DOCK1: variants seen among roughly 807,000 people sequenced by gnomAD.
The protein encoded by DOCK1 is dedicator of cytokinesis 1.
In DOCK1, 138 loss-of-function variants were observed where a neutral mutation model predicts 262.7. That is an observed-to-expected ratio of 0.53 (90% CI 0.46 to 0.61). The LOEUF (loss-of-function observed/expected upper bound fraction) is 0.61, where lower values mean the gene tolerates loss of function less well. Among genes scored for constraint, DOCK1 ranks in the 20% least tolerant of loss-of-function variants. The pLI is 0.00. For missense variants in DOCK1, 1,908 were observed against 2,370.7 expected, an observed-to-expected ratio of 0.80 and a Z score of 4.05; for synonymous variants, 866 against 867.4, an observed-to-expected ratio of 1.00 and a Z score of 0.03.
At chr10:127,247,140 C>T (rs903286054) in intron 27 of DOCK1, among the ~76,000 whole-genome samples, 1 of 152,220 alleles carries the variant, frequency 6.6e-6, no homozygotes, top group African/African-American at 2.4e-5. Flanking sequence ...CAAACGTGTG[C>T]ACACCCACGT....
chr10:126,924,031 T>C (rs1040259762), intron 1 of DOCK1, among the ~76,000 whole-genome samples: 2 of 152,178 alleles, frequency 1.3e-5, no homozygotes, highest in African/African-American at 4.8e-5. Flanking sequence ...TATTTTGATA[T>C]GGCAGCCCGA....
At chr10:127,261,128 C>T (rs1204844426) in intron 29 of DOCK1, among the ~76,000 whole-genome samples, 4 of 72,458 alleles carry the variant, frequency 5.5e-5, no homozygotes, top group East Asian at 4.0e-4. Context: ...TGTGTGTGTG[C>T]CTGCATGTGT....
At chr10:127,366,405 G>C (rs916735326) in intron 33 of DOCK1, among the ~76,000 whole-genome samples, 1 of 151,912 alleles carries the variant, frequency 6.6e-6, no homozygotes, top group Non-Finnish European at 1.5e-5. Flanking sequence ...TGGGTTTTCC[G>C]GCTGCGGGTC....
At chr10:127,221,097 A>G (rs2058419976) in intron 27 of DOCK1, among the ~76,000 whole-genome samples, 1 of 152,216 alleles carries the variant, frequency 6.6e-6, no homozygotes, top group African/African-American at 2.4e-5. Flanking sequence ...AAAAAGTGTA[A>G]CTGGAAGCTA....
chr10:127,153,261 G>A (rs1892136), intron 27 of DOCK1, among the ~76,000 whole-genome samples: 152,326 of 152,362 alleles, frequency 1, 76,145 homozygotes, highest in Non-Finnish European at 1. Context: ...TACTGATGCA[G>A]GCCAAACACA....
chr10:126,981,958 T>G lies in DOCK1; in HGVS notation c.212T>G (p.Ile71Arg). 1.9e-6 allele frequency: 3 copies of G among 1,613,548 alleles called. No individual in the cohort carries two copies. Among genetic ancestry groups the G allele is most frequent in the Non-Finnish European group, 2.5e-6 (3 of 1,179,768 alleles). ...PASYIHLKEA[I>R]VEGKGQHETV... ...TCATATATTCATCTTAAAGAAGCGA[T>G]AGTTGAAGGAAAAGGGTGAGTCTGG... The change falls in exon 4 of 52, where the codon ATA becomes AGA. Residue 71 changes from isoleucine to arginine, a missense_variant. Ile to Arg is a moderately conservative substitution (Grantham distance 97). Around this residue, in one of 9 missense-constraint regions of DOCK1, gnomAD observed 227 missense variants for 254.1 expected, o/e 0.89. Coordinates refer to ENST00000623213, the MANE Select transcript of DOCK1 (RefSeq NM_001290223.2).
chr10:127,408,550 G>A (rs1424111674), intron 40 of DOCK1, among the ~76,000 whole-genome samples: 14 of 152,204 alleles, frequency 9.2e-5, no homozygotes, highest in Admixed American at 9.2e-4. Context: ...TGCAGGTGCT[G>A]GGGCCCCACC....
rs147295824 is a variant in DOCK1 at position 127,017,035 on chromosome 10, C to CCACACACA, written c.1202-1658_1202-1651dup. 6.5e-3 allele frequency among the ~76,000 whole-genome samples: 701 copies of CCACACACA among 108,518 alleles called. 53 individuals are homozygous for CCACACACA. Among genetic ancestry groups the CCACACACA allele is most frequent in the Middle Eastern group, 0.03 (5 of 168 alleles). 71.2% of individuals were successfully genotyped at this position (108,518 alleles called of 152,430 possible). On this transcript the variant is annotated intron_variant, in intron 12 of 51. Transcript: ENST00000623213. Reference sequence around the variant, plus strand: ...AAACACAGATATGCAGATACAGATACCACACACACACACACACACACACAG... The same window carrying CCACACACA: ...AAACACAGATATGCAGATACAGATACCACACACACACACACACACACACACACACACAG...
At chr10:127,036,684 A>G (rs1280045567) in intron 18 of DOCK1, among the ~76,000 whole-genome samples, 1 of 152,060 alleles carries the variant, frequency 6.6e-6, no homozygotes, top group African/African-American at 2.4e-5. Context: ...ACCTTAAAGA[A>G]TATCTTGGGC....
intron 2 of DOCK1, 52 bp from the exon 3 acceptor site, chr10:126,977,896 G>C: frequency 6.4e-7 from 1 of 1,569,800 alleles, no homozygotes; most frequent in Non-Finnish European, 8.8e-7. Context: ...TGTATTGTGA[G>C]GACCCTAACA....
chr10:127,305,080 C>T (rs2061826004), intron 29 of DOCK1, among the ~76,000 whole-genome samples: 3 of 152,238 alleles, frequency 2.0e-5, no homozygotes, highest in South Asian at 2.1e-4. Context: ...TCACATTTTT[C>T]AGGTTTTCCA....
Position 127,032,289 on chromosome 10 carries a change from G to A in DOCK1, c.1881G>A (p.Thr627=), listed in dbSNP as rs758441411. 4.4e-6 allele frequency: 7 copies of A among 1,580,164 alleles called. No individual in the cohort carries two copies. The highest frequency in any genetic ancestry group is 2.3e-5 in the East Asian group (1 of 43,944). Residue 627 remains threonine (T), a synonymous_variant, in exon 18 of 52, where the codon ACG becomes ACA. Transcript: ENST00000623213. The part of the protein sequence containing the change: ...TISKDSFQIS[T]LVCSTKLTQN... Reference sequence around the variant, plus strand: ...GCAAGGACTCCTTCCAGATCTCCACGCTCGTGTGCTCCACCAAACTGACTC... The same window carrying A: ...GCAAGGACTCCTTCCAGATCTCCACACTCGTGTGCTCCACCAAACTGACTC...
At chr10:127,193,748 T>TA (rs1448953566) in intron 27 of DOCK1, among the ~76,000 whole-genome samples, 2 of 152,072 alleles carry the variant, frequency 1.3e-5, no homozygotes, top group African/African-American at 4.8e-5. Context: ...TTGATTTATT[T>TA]AAAAATTTTT....
intron 29 of DOCK1, among the ~76,000 whole-genome samples, chr10:127,334,070 A>G (rs1026161511): frequency 6.6e-6 from 1 of 152,152 alleles, no homozygotes; most frequent in East Asian, 1.9e-4. Context: ...ACAAATAATA[A>G]TTGTGTATGT....
chr10:127,351,905 C>T (rs1430983592), intron 31 of DOCK1, among the ~76,000 whole-genome samples: 1 of 151,976 alleles, frequency 6.6e-6, no homozygotes, highest in Admixed American at 6.6e-5. Context: ...TCACAGCTCC[C>T]CACTCTTCCT....
At position 126,996,782 on chromosome 10, in the gene DOCK1, G is replaced by C. The variant is rs779785531; in HGVS notation, c.508G>C (p.Asp170His). 2.5e-6 allele frequency: 4 copies of C among 1,612,428 alleles called. No individual in the cohort carries two copies. The highest frequency in any genetic ancestry group is 2.5e-6 in the Non-Finnish European group (3 of 1,179,470). Residue 170 changes from aspartate to histidine, a missense_variant, in exon 7 of 52, where the codon GAT becomes CAT. Transcript: ENST00000623213. ...TTTGGACCTGGTGGTTAGAGATGAA[G>C]ATGGGAATATTTTGGATCCAGAATT... ...LDLDLVVRDEDGNILDPELTS... is the reference protein window; with the variant it reads ...LDLDLVVRDEHGNILDPELTS...
chr10:127,386,619 T>A (rs2066137265), intron 38 of DOCK1, among the ~76,000 whole-genome samples: 1 of 151,874 alleles, frequency 6.6e-6, no homozygotes. Context: ...CCTGATGGGA[T>A]CATCTAGTTG....
intron 23 of DOCK1, among the ~76,000 whole-genome samples, chr10:127,075,739 G>T (rs2046492539): frequency 6.6e-6 from 1 of 152,090 alleles, no homozygotes; most frequent in Admixed American, 6.6e-5. Flanking sequence ...CGGCAAGGGG[G>T]AGGTCTGCCC....
At position 127,039,622 on chromosome 10, in the gene DOCK1, G is replaced by A. The variant is rs529561279; in HGVS notation, c.2010+1806G>A. ...TTCTCTGCTGGCGTGTCTGACATGC[G>A]CCGTGAGCCTAGAGAGTGGAACTGA... On this transcript the variant is annotated intron_variant, in intron 19 of 51. Transcript: ENST00000623213. Among the ~76,000 whole-genome samples the A allele has an allele frequency of 2.6e-5, 4 of 152,232 alleles. No homozygotes were observed. The East Asian group carries it at 5.8e-4, about 22-fold the overall frequency.
Sources: allele counts gnomAD v4.1 joint callset (sites outside exome capture counted in the v4.1 genomes callset), GRCh38; gene constraint gnomAD v4.1.1; regional missense constraint gnomAD v4.1.1; transcripts MANE v1.5; gene names NCBI Gene and HGNC (gene_info 2026-07-23, HGNC 2026-07-21).